The following APBB1IP variants were observed in gnomAD, a reference collection of about 807,000 sequenced individuals.
APBB1IP encodes amyloid beta A4 precursor protein-binding family B member 1-interacting protein.
Under a neutral mutation model 64.9 loss-of-function variants are expected in APBB1IP, and 27 were observed. That is an observed-to-expected ratio of 0.42 (90% confidence interval 0.31 to 0.57). The LOEUF is 0.57. Among genes scored for constraint, APBB1IP ranks in the 20% least tolerant of loss-of-function variants. The pLI is 0.20. For synonymous variants in APBB1IP, 392 were observed against 331.0 expected (o/e 1.18, Z -2.00); for missense variants, 812 against 845.5 (o/e 0.96, Z 0.49).
chr10:26,537,322 A>G (rs891499862), intron 10 of APBB1IP, among the ~76,000 whole-genome samples: 8 of 152,144 alleles, frequency 5.3e-5, no homozygotes, highest in African/African-American at 1.9e-4. Flanking sequence ...TTCCAAGCCG[A>G]TGAAATTATG....
intron 14 of APBB1IP, among the ~76,000 whole-genome samples, chr10:26,563,926 A>G (rs886859798): frequency 4.6e-5 from 7 of 152,082 alleles, no homozygotes; most frequent in Middle Eastern, 3.4e-3. Context: ...CTAAATGCCA[A>G]TTGAAGGACA....
At chr10:26,508,674 G>C (rs138349652) in intron 6 of APBB1IP, among the ~76,000 whole-genome samples, 1 of 151,948 alleles carries the variant, frequency 6.6e-6, no homozygotes, top group Non-Finnish European at 1.5e-5. Context: ...GCTTGCAAAC[G>C]TGAGGGAAGC....
chr10:26,460,441 T>C (rs140206012), intron 2 of APBB1IP, among the ~76,000 whole-genome samples: 75 of 152,310 alleles, frequency 4.9e-4, no homozygotes, highest in African/African-American at 1.7e-3. Context: ...GAGAAATCTC[T>C]TTCCCCTTTT....
At chr10:26,530,462 C>T (rs564707917) in intron 8 of APBB1IP, among the ~76,000 whole-genome samples, 4 of 151,794 alleles carry the variant, frequency 2.6e-5, no homozygotes, top group Admixed American at 2.0e-4. Context: ...GAGGCCGAGG[C>T]GGGCAGATCA....
intron 8 of APBB1IP, among the ~76,000 whole-genome samples, chr10:26,521,368 A>T (rs1836399267): frequency 6.6e-6 from 1 of 152,220 alleles, no homozygotes; most frequent in Admixed American, 6.5e-5. Flanking sequence ...TACTGAAAGG[A>T]CCCAGAGGCA....
intron 2 of APBB1IP, among the ~76,000 whole-genome samples, chr10:26,479,644 G>T (rs1430182998): frequency 6.6e-6 from 1 of 152,014 alleles, no homozygotes; most frequent in Admixed American, 6.6e-5. Context: ...TATCTAAAAA[G>T]CAACATTGTA....
chr10:26,500,799 A>AG lies in APBB1IP; in HGVS notation c.161-20_161-19insG, dbSNP rs1423788371. ...GATGCAAATAGGTTTTTATACCATT[A>AG]ATGTGATTTTCCCTACTAGAGTCCT... On this transcript the variant is annotated intron_variant, in intron 4 of 14. Coordinates refer to ENST00000376236, the MANE Select transcript of APBB1IP (RefSeq NM_019043.4). 2.5e-6 allele frequency: 4 copies of AG among 1,593,496 alleles called. No homozygotes were observed. The highest frequency in any genetic ancestry group is 1.4e-5 in the African/African-American group (1 of 74,026).
At position 26,504,438 on chromosome 10, in the gene APBB1IP, G is replaced by A. The variant is rs1223013165; in HGVS notation, c.531+1164G>A. Among the ~76,000 whole-genome samples the A allele has an allele frequency of 3.3e-5, 5 of 152,266 alleles. No individual in the cohort carries two copies. The South Asian group carries it at 1.0e-3, about 32-fold the overall frequency. The stretch of plus-strand genomic sequence containing the variant: ...TGTTAATAATAGTTAGGCTGGGCGC[G>A]GTGGCTCATGCCTGTAATCCCAACA... On this transcript the variant is annotated intron_variant, in intron 6 of 14. Coordinates refer to ENST00000376236, the MANE Select transcript of APBB1IP (RefSeq NM_019043.4).
At chr10:26,530,449 T>C (rs1323400532) in intron 8 of APBB1IP, among the ~76,000 whole-genome samples, 3 of 152,182 alleles carry the variant, frequency 2.0e-5, no homozygotes, top group Admixed American at 1.3e-4. Flanking sequence ...CGCAGCACTT[T>C]GGGAGGCCGA....
intron 2 of APBB1IP, among the ~76,000 whole-genome samples, chr10:26,440,952 A>G (rs1835331714): frequency 6.6e-6 from 1 of 152,164 alleles, no homozygotes; most frequent in Non-Finnish European, 1.5e-5. Context: ...TTATGCCTAA[A>G]ACATTTTAGT....
chr10:26,531,823 A>G (rs968079058), intron 8 of APBB1IP, among the ~76,000 whole-genome samples: 1 of 152,148 alleles, frequency 6.6e-6, no homozygotes, highest in Non-Finnish European at 1.5e-5. Context: ...GCACATGCCT[A>G]TAGTCCCAGC....
intron 8 of APBB1IP, among the ~76,000 whole-genome samples, chr10:26,517,070 G>A (rs1836341046): frequency 6.6e-6 from 1 of 152,212 alleles, no homozygotes; most frequent in Non-Finnish European, 1.5e-5. Context: ...TGCAGGAAGA[G>A]GAGGTCAGCT....
chr10:26,537,151 G>A (rs533285295), intron 10 of APBB1IP, among the ~76,000 whole-genome samples: 2 of 145,982 alleles, frequency 1.4e-5, no homozygotes, highest in South Asian at 4.3e-4. Context: ...TTCTTAGAGG[G>A]TTAGGACCTT....
intron 2 of APBB1IP, among the ~76,000 whole-genome samples, chr10:26,450,690 C>T (rs373974083): frequency 1.2e-4 from 17 of 138,866 alleles, no homozygotes; most frequent in South Asian, 2.3e-4. Flanking sequence ...AACTCAGATT[C>T]TTTTTTTTTT....
chr10:26,466,286 G>T (rs374325328), intron 2 of APBB1IP, among the ~76,000 whole-genome samples: 2 of 152,110 alleles, frequency 1.3e-5, no homozygotes, highest in African/African-American at 4.8e-5. Flanking sequence ...TTGATGGGGG[G>T]ACTTCCAGAG....
intron 2 of APBB1IP, among the ~76,000 whole-genome samples, chr10:26,469,797 A>G (rs1835694805): frequency 6.6e-6 from 1 of 152,058 alleles, no homozygotes; most frequent in Admixed American, 6.6e-5. Flanking sequence ...CCCAAAGTCT[A>G]TTGTTCCCAT....
chr10:26,524,096 T>G (rs1168438074), intron 8 of APBB1IP, among the ~76,000 whole-genome samples: 1 of 152,058 alleles, frequency 6.6e-6, no homozygotes, highest in African/African-American at 2.4e-5. Context: ...AGCCAGACGA[T>G]CTCTGTGACC....
rs191437736 is a variant in APBB1IP, at chr10:26,525,554, A to G, written c.814-7885A>G. The stretch of plus-strand genomic sequence containing the variant: ...CTCTTTTGGGAAAGTGGGCCGGGGC[A>G]GTAGAACAGTATTATCCTCATAAAG... On this transcript the variant is annotated intron_variant, in intron 8 of 14. Coordinates refer to ENST00000376236, the MANE Select transcript of APBB1IP (RefSeq NM_019043.4). 5.9e-5 allele frequency among the ~76,000 whole-genome samples: 9 copies of G among 152,248 alleles called. No homozygotes were observed. In the East Asian group the frequency reaches 1.7e-3, roughly 29 times the overall value.
intron 2 of APBB1IP, among the ~76,000 whole-genome samples, chr10:26,486,488 G>T (rs56901144): frequency 0.011 from 1,715 of 152,248 alleles, 39 homozygotes; most frequent in African/African-American, 0.038. Context: ...AAGTTAAGGC[G>T]CATGGGAAGA....
Sources: allele counts gnomAD v4.1 joint callset (sites outside exome capture counted in the v4.1 genomes callset), GRCh38; gene constraint gnomAD v4.1.1; transcripts MANE v1.5; gene names NCBI Gene and HGNC (gene_info 2026-07-23, HGNC 2026-07-21).